PAK4: variants seen among roughly 807,000 people sequenced by gnomAD.
PAK4 encodes the protein p21 (RAC1) activated kinase 4.
A neutral mutation model predicts 53.5 loss-of-function variants in PAK4; 49 were observed. The ratio of observed to expected loss-of-function variants is 0.92; its 90% confidence interval spans 0.73 to 1.16. PAK4 has a LOEUF of 1.16. Ranked by LOEUF, PAK4 falls within the 50% of genes most tolerant of loss-of-function variation. The probability of loss-of-function intolerance (pLI) is 0.00; values close to 1 mark genes in which losing one functional copy is unlikely to be tolerated. For missense variants in PAK4, 824 were observed against 850.7 expected (o/e 0.97, Z 0.39); for synonymous variants, 376 against 375.6 (o/e 1.00, Z -0.01).
chr19:39,147,231 A>C (rs546194790), intron 1 of PAK4, among the ~76,000 whole-genome samples: 1 of 152,132 alleles, frequency 6.6e-6, no homozygotes, highest in Non-Finnish European at 1.5e-5. Context: ...GGATTTTGTC[A>C]ATTCAAGAAT....
In PAK4 at chr19:39,175,469, G is replaced by A. The variant is rs770353736; in HGVS notation, c.1359+31G>A. 8.2e-6 allele frequency: 13 copies of A among 1,583,044 alleles called. No homozygotes were observed. Among genetic ancestry groups the A allele is most frequent in the African/African-American group, 2.7e-5 (2 of 74,444 alleles). On this transcript the variant is annotated intron_variant, in intron 6 of 8. Coordinates refer to ENST00000358301, the Ensembl canonical transcript of PAK4. The surrounding 1 kb of genome is among the most constrained non-coding windows in gnomAD (Gnocchi z 4.7). Reference sequence around the variant, plus strand: ...GGGACGGGCGGCGGGGTACGGGGGCGGCAGGTTTCCGGCTGCGGGGCTTCC... The same window carrying A: ...GGGACGGGCGGCGGGGTACGGGGGCAGCAGGTTTCCGGCTGCGGGGCTTCC...
At chr19:39,164,057 ACC>A in intron 1 of PAK4, among the ~76,000 whole-genome samples, 2 of 152,198 alleles carry the variant, frequency 1.3e-5, no homozygotes, top group Non-Finnish European at 2.9e-5. Flanking sequence ...CAGGTGGATC[ACC>A]TGAGGTGAGG....
At chr19:39,174,068 C>A in intron 4 of PAK4, 58 bp downstream of exon 5, 2 of 1,078,634 alleles carry the variant, frequency 1.9e-6, no homozygotes, top group Non-Finnish European at 1.3e-6. Context: ...CTCCCACCCT[C>A]CCTCCCCTCC....
At position 39,175,007 on chromosome 19, in the gene PAK4, G is replaced by C. The variant is rs759303292; in HGVS notation, c.1175G>C (p.Trp392Ser). The C allele has an allele frequency of 2.5e-6, 4 of 1,613,778 alleles. No individual in the cohort carries two copies. The stretch of plus-strand genomic sequence containing the variant: ...AGCTACCTGGTGGGGGACGAGCTCT[G>C]GGTGGTCATGGAGTTCCTGGAAGGA... Residue 392 changes from tryptophan (W) to serine (S), a missense_variant, in exon 5 of 9, where the codon TGG becomes TCG. This residue lies in a region of PAK4 where 346 missense variants were observed against 415.0 expected (regional missense o/e 0.83). Transcript: ENST00000358301. The surrounding 1 kb of genome is among the most constrained non-coding windows in gnomAD (Gnocchi z 4.7).
chr19:39,174,588 C>T (rs1162743231), intron 4 of PAK4, among the ~76,000 whole-genome samples: 3 of 152,116 alleles, frequency 2.0e-5, no homozygotes, highest in Non-Finnish European at 4.4e-5. Flanking sequence ...CGCCTGGGTT[C>T]CTCATCCTCC....
At chr19:39,142,033 T>TGGAGCGATCAGAGCTCACGTGCAGC (rs1230447576) in intron 1 of PAK4, among the ~76,000 whole-genome samples, 1 of 152,146 alleles carries the variant, frequency 6.6e-6, no homozygotes, top group Non-Finnish European at 1.5e-5. Flanking sequence ...TGAAGTGCAG[T>TGGAGCGATCAGAGCTCACGTGCAGC]GGAGCGATCA....
chr19:39,134,791 G>A (rs2145117272), intron 1 of PAK4: 1 of 151,988 alleles, frequency 6.6e-6, no homozygotes, highest in Admixed American at 6.6e-5. Flanking sequence ...TTTTAGTAGA[G>A]AGGGGGTTTC....
chr19:39,132,622 G>C (rs2073734843), intron 1 of PAK4, among the ~76,000 whole-genome samples: 1 of 152,270 alleles, frequency 6.6e-6, no homozygotes, highest in East Asian at 1.9e-4. Flanking sequence ...GAACAGGGCT[G>C]CGCCCGCCTG....
At chr19:39,174,779 TG>T in intron 4 of PAK4, 151 bp from the exon 6 acceptor site, 1 of 824,530 alleles carries the variant, frequency 1.2e-6, no homozygotes, top group Non-Finnish European at 1.9e-6. Flanking sequence ...GAGGCCCACG[TG>T]GCTGTGGCAG....
At chr19:39,152,463 AAG>A (rs1274581279) in intron 1 of PAK4, 2 of 152,236 alleles carry the variant, frequency 1.3e-5, no homozygotes, top group African/African-American at 4.8e-5. Context: ...GGATATGCCA[AAG>A]AGAAGCTGTA....
chr19:39,173,598 C>T lies in PAK4; in HGVS notation c.686C>T (p.Pro229Leu). 3 of 1,529,462 alleles carry T rather than the reference C, an allele frequency of 2.0e-6. No homozygotes were observed. The highest frequency in any genetic ancestry group is 2.6e-5 in the South Asian group (2 of 76,944). The allele number at this position is 1,529,462 out of a possible 1,614,324, so 94.7% of individuals were successfully genotyped here. The stretch of plus-strand genomic sequence containing the variant: ...CAGGGGGAGCCTCATGACGTGGCCC[C>T]TAACGGGCCATCAGCGGGGGGCCTG... Residue 229 changes from proline (P) to leucine (L), a missense_variant, in exon 4 of 9, where the codon CCT (proline) becomes CTT (leucine). Physicochemically the swap from Pro to Leu is moderately conservative, Grantham distance 98 (BLOSUM62 -3). Transcript: ENST00000358301. The surrounding 1 kb of genome is among the most constrained non-coding windows in gnomAD (Gnocchi z 6.9).
rs549066308 is a variant in PAK4, at chr19:39,155,628, G to A, written c.-22-13904G>A. 2.0e-5 allele frequency among the ~76,000 whole-genome samples: 3 copies of A among 152,278 alleles called. No homozygotes were observed. The South Asian group carries it at 6.2e-4, about 32-fold the overall frequency. On this transcript the variant is annotated intron_variant, in intron 1 of 8. Coordinates refer to ENST00000358301, the Ensembl canonical transcript of PAK4. ...CACTGGAGGTGGGATTTGAAGGGGA[G>A]GGAGGGGTGCTGTGGAGCATCTTTT...
Position 39,163,533 on chromosome 19 carries a change from C to G in PAK4, c.-22-5999C>G, listed in dbSNP as rs972308804. Reference sequence around the variant, plus strand: ...TGGGGGTGGTGGGACCCTTTTCCTCCCAGAAAAGGTCAGAGGATGCAGGGG... The same window carrying G: ...TGGGGGTGGTGGGACCCTTTTCCTCGCAGAAAAGGTCAGAGGATGCAGGGG... On this transcript the variant is annotated intron_variant, in intron 1 of 8. Coordinates refer to ENST00000358301, the Ensembl canonical transcript of PAK4. Among the ~76,000 whole-genome samples the G allele has an allele frequency of 7.9e-5, 12 of 152,006 alleles. No homozygotes were observed. In the East Asian group the frequency reaches 2.1e-3, roughly 27 times the overall value.
chr19:39,180,279 C>T (rs1600423021), downstream of PAK4: 4 of 151,652 alleles, frequency 2.6e-5, no homozygotes, highest in Middle Eastern at 3.4e-3. Flanking sequence ...GTGCTCTCTG[C>T]GATGTATTGG....
At chr19:39,141,365 G>C (rs1284526755) in intron 1 of PAK4, among the ~76,000 whole-genome samples, 4 of 151,700 alleles carry the variant, frequency 2.6e-5, no homozygotes. Context: ...ACCCAGGCTG[G>C]AGTGCAGTGG....
At chr19:39,157,271 C>T (rs971184441) in intron 1 of PAK4, among the ~76,000 whole-genome samples, 8 of 151,888 alleles carry the variant, frequency 5.3e-5, no homozygotes, top group African/African-American at 1.5e-4. Context: ...TTCCTAGGTG[C>T]GTGTGTGTCC....
chr19:39,174,797 A>AG, intron 4 of PAK4, 134 bp from the exon 6 acceptor site: 1 of 962,128 alleles, frequency 1.0e-6, no homozygotes, highest in Non-Finnish European at 1.5e-6. Flanking sequence ...GCAGTAGGGG[A>AG]GGGCAGTCCA....
rs772648428 is a variant in PAK4 at position 39,173,645 on chromosome 19, T to C, written c.733T>C (p.Ser245Pro). Residue 245 changes from serine to proline, a missense_variant, in exon 4 of 9, where the codon TCC (serine) becomes CCC (proline). Transcript: ENST00000358301. The surrounding 1 kb of genome is among the most constrained non-coding windows in gnomAD (Gnocchi z 6.9). ...CCTGGCCATCCCCCAGTCCTCCTCC[T>C]CCTCCTCCCGGCCTCCCACCCGAGC... The C allele has an allele frequency of 1.3e-6, 2 of 1,572,130 alleles. No homozygotes were observed. The highest frequency in any genetic ancestry group is 3.6e-5 in the Admixed American group (2 of 55,666).
chr19:39,167,762 C>T (rs2074403001), intron 1 of PAK4, among the ~76,000 whole-genome samples: 1 of 152,150 alleles, frequency 6.6e-6, no homozygotes, highest in Admixed American at 6.5e-5. Context: ...CTGGGCAGGG[C>T]CTCACCTTTC....
Sources: allele counts gnomAD v4.1 joint callset (sites outside exome capture counted in the v4.1 genomes callset), GRCh38; gene constraint gnomAD v4.1.1; regional missense constraint gnomAD v4.1.1; non-coding constraint Gnocchi (gnomAD v3.1); transcripts MANE v1.5; gene names NCBI Gene and HGNC (gene_info 2026-07-23, HGNC 2026-07-21).